The following KRT222 variants were observed in gnomAD, a reference collection of about 807,000 sequenced individuals.
KRT222 encodes the protein keratin-like protein KRT222.
In KRT222, 23 loss-of-function variants were observed where a neutral mutation model predicts 35.0. The observed-to-expected ratio is 0.66, with a 90% CI of 0.47 to 0.93. The LOEUF is 0.93. Among genes scored for constraint, KRT222 ranks in the 40% least tolerant of loss-of-function variants. The pLI is 0.00. For missense variants in KRT222, 339 were observed against 346.3 expected (o/e 0.98, Z 0.17); for synonymous variants, 108 against 118.8 (o/e 0.91, Z 0.59).
At chr17:40,660,282 A>G in intron 2 of KRT222, 75 bp from the exon 3 acceptor site, 2 of 1,209,872 alleles carry the variant, frequency 1.7e-6, no homozygotes, top group Admixed American at 2.2e-5. Context: ...CAATATCTTC[A>G]TCTTTTTTTT....
chr17:40,665,004 C>T lies in KRT222; in HGVS notation c.96G>A (p.Gln32=). The stretch of plus-strand genomic sequence containing the variant: ...GTGCCTGTCTGTATGAAATCATTAC[C>T]TGGATCCTTGTTGAGAGCACCGTCT... ...QIETVLSTRI[Q]LEEDISKKMD... is the part of the protein sequence containing the mutation. The change falls in exon 1 of 6, where the codon CAG becomes CAA. Residue 32 remains glutamine, a splice_region_variant and synonymous_variant. Transcript: ENST00000394052. 1 of 1,613,964 alleles carries T rather than the reference C, an allele frequency of 6.2e-7. No individual in the cohort carries two copies. The highest frequency in any genetic ancestry group is 8.5e-7 in the Non-Finnish European group (1 of 1,179,962).
In KRT222 at chr17:40,664,827, T is replaced by C. The variant is rs2037410395; in HGVS notation, c.96+177A>G. 6 of 1,035,046 alleles carry C rather than the reference T, an allele frequency of 5.8e-6. No homozygotes were observed. The Admixed American group carries it at 8.9e-5, about 15-fold the overall frequency. 64.1% of individuals were successfully genotyped at this position (1,035,046 alleles called of 1,614,324 possible). ...CTTACTTAATGGCAATTTAACAATA[T>C]AATCACAGTATTTCCCCCTGTAGTC... On this transcript the variant is annotated intron_variant, in intron 1 of 5. Transcript: ENST00000394052.
rs1555607302 is a variant in KRT222, at chr17:40,655,040, T to TATATAC, written c.*1361_*1362insGTATAT. 2 of 146,752 alleles carry TATATAC rather than the reference T, an allele frequency of 1.4e-5. No homozygotes were observed. The highest frequency in any genetic ancestry group is 2.5e-5 in the African/African-American group (1 of 40,388). The allele number at this position is 146,752 out of a possible 1,614,324, so 9.1% of individuals were successfully genotyped here. A position where few individuals can be genotyped will look rare whatever the true frequency, so the allele number is the denominator to read the frequency against. On this transcript the variant is annotated 3_prime_UTR_variant, in exon 6 of 6. Coordinates refer to ENST00000394052, the MANE Select transcript of KRT222 (RefSeq NM_152349.3). ...TTTCTGGTTGAAATATATATATACA[T>TATATAC]ATATATAAATTATATATATGTATAT... is the stretch of plus-strand genomic sequence containing the variant.
intron 1 of KRT222, among the ~76,000 whole-genome samples, chr17:40,662,486 TG>T (rs1227901102): frequency 2.0e-5 from 3 of 152,230 alleles, no homozygotes; most frequent in African/African-American, 7.2e-5. Context: ...TGATCAATTC[TG>T]GGACCAGGTA....
At chr17:40,661,008 G>C (rs1039823838) in intron 2 of KRT222, among the ~76,000 whole-genome samples, 2 of 152,302 alleles carry the variant, frequency 1.3e-5, no homozygotes, top group Non-Finnish European at 1.5e-5. Context: ...GCAGTGGCAT[G>C]ATCTCAGCTT....
chr17:40,660,036 C>T lies in KRT222; in HGVS notation c.397G>A (p.Glu133Lys), dbSNP rs759638157. The change falls in exon 3 of 6, where the codon GAA (glutamate) becomes AAA (lysine). Residue 133 changes from glutamate (E) to lysine (K), a missense_variant. Coordinates refer to ENST00000394052, the MANE Select transcript of KRT222 (RefSeq NM_152349.3). The part of the protein sequence containing the change: ...EMLLNTKMRL[E>K]QEIATYRHLL... ...TGGCGATAAGTTGCTATTTCTTGTT[C>T]CAGCCTCATCTTCGTGTTGAGAAGC... is the stretch of plus-strand genomic sequence containing the variant. 6.2e-7 allele frequency: 1 copy of T among 1,614,106 alleles called. No individual in the cohort carries two copies. Among genetic ancestry groups the T allele is most frequent in the Non-Finnish European group, 8.5e-7 (1 of 1,180,012 alleles).
chr17:40,664,467 T>C (rs1278334698), intron 1 of KRT222, among the ~76,000 whole-genome samples: 1 of 152,208 alleles, frequency 6.6e-6, no homozygotes, highest in African/African-American at 2.4e-5. Flanking sequence ...ATAATTTATA[T>C]CATTGTTTCT....
In KRT222 at chr17:40,656,551, C is replaced by T. The variant is rs1233817211; in HGVS notation, c.739G>A (p.Val247Ile). ...AAATGAAGATCAAATCGAAGAGAAA[C>T]AGACTTTTTCCTCAATCGAGGGTTA... ...KDNPRLRKKS[V>I]SLRFDLHLAA... Residue 247 changes from valine (V) to isoleucine (I), a missense_variant, in exon 6 of 6, where the codon GTT becomes ATT. By Grantham distance (29) the Val-to-Ile change is conservative. Transcript: ENST00000394052. 15 of 1,613,728 alleles carry T rather than the reference C, an allele frequency of 9.3e-6. No homozygotes were observed. Among genetic ancestry groups the T allele is most frequent in the Non-Finnish European group, 1.3e-5 (15 of 1,179,798 alleles).
At position 40,655,150 on chromosome 17, in the gene KRT222, G is replaced by C. The variant is rs1202252227; in HGVS notation, c.*1252C>G. ...AATATTTTAAAGGCTGTACTAAAAT[G>C]CTAACGTAGCTATAGCCCTTAGATG... On this transcript the variant is annotated 3_prime_UTR_variant, in exon 6 of 6. Transcript: ENST00000394052. 2 of 150,440 alleles carry C rather than the reference G, an allele frequency of 1.3e-5. No individual in the cohort carries two copies. Among genetic ancestry groups the C allele is most frequent in the Non-Finnish European group, 3.0e-5 (2 of 67,604 alleles). The allele number at this position is 150,440 out of a possible 1,614,324, so 9.3% of individuals were successfully genotyped here.
intron 1 of KRT222, among the ~76,000 whole-genome samples, chr17:40,664,578 AG>A (rs2037408309): frequency 6.6e-6 from 1 of 152,236 alleles, no homozygotes; most frequent in African/African-American, 2.4e-5. Flanking sequence ...AAATATCTCT[AG>A]AAAGTGTACA....
chr17:40,662,644 A>C (rs2037390987), intron 1 of KRT222, among the ~76,000 whole-genome samples: 1 of 152,256 alleles, frequency 6.6e-6, no homozygotes, highest in South Asian at 2.1e-4. Flanking sequence ...TTTAAAAGGC[A>C]TATTAATTTT....
chr17:40,659,280 C>T (rs764048384), intron 3 of KRT222, among the ~76,000 whole-genome samples: 3 of 151,838 alleles, frequency 2.0e-5, no homozygotes, highest in South Asian at 2.1e-4. Context: ...CTCAGCCTCC[C>T]GAGTAGCTGG....
At chr17:40,661,449 A>G (rs2037383461) in intron 2 of KRT222, among the ~76,000 whole-genome samples, 1 of 151,290 alleles carries the variant, frequency 6.6e-6, no homozygotes, top group South Asian at 2.1e-4. Context: ...TGTATTTAAT[A>G]GAGATGGGGT....
At chr17:40,663,509 A>G (rs1403953954) in intron 1 of KRT222, among the ~76,000 whole-genome samples, 1 of 152,196 alleles carries the variant, frequency 6.6e-6, no homozygotes, top group Non-Finnish European at 1.5e-5. Flanking sequence ...TGAGAGAGAA[A>G]GTCCCAGCAG....
At chr17:40,664,882 C>T in intron 1 of KRT222, 122 bp downstream of exon 1, 1 of 1,527,324 alleles carries the variant, frequency 6.5e-7, no homozygotes, top group Non-Finnish European at 8.8e-7. Context: ...AGCTAAATTC[C>T]TTCCCCAATA....
chr17:40,659,147 CT>C (rs11347276), intron 3 of KRT222, among the ~76,000 whole-genome samples: 69,024 of 141,072 alleles, frequency 0.49, 16,667 homozygotes, highest in Non-Finnish European at 0.57. Flanking sequence ...AGGTCTCTCT[CT>C]CTCTCTCTCT....
Position 40,656,338 on chromosome 17 carries a change from A to T in KRT222, c.*64T>A, listed in dbSNP as rs753927285. The T allele has an allele frequency of 1.9e-5, 21 of 1,100,418 alleles. No individual in the cohort carries two copies. Among genetic ancestry groups the T allele is most frequent in the Non-Finnish European group, 2.6e-5 (19 of 718,638 alleles). The allele number at this position is 1,100,418 out of a possible 1,614,324, so 68.2% of individuals were successfully genotyped here. A position where few individuals can be genotyped will look rare whatever the true frequency, so the allele number is the denominator to read the frequency against. On this transcript the variant is annotated 3_prime_UTR_variant, in exon 6 of 6. Coordinates refer to ENST00000394052, the MANE Select transcript of KRT222 (RefSeq NM_152349.3). ...ATAACTTACATTTTGGGACAGAGGGAGTTGGTATGGCCCACCTTGGTCCAT... is the reference window on the plus strand; with the variant it reads ...ATAACTTACATTTTGGGACAGAGGGTGTTGGTATGGCCCACCTTGGTCCAT...
At chr17:40,659,250 G>A (rs2037366072) in intron 3 of KRT222, among the ~76,000 whole-genome samples, 1 of 151,530 alleles carries the variant, frequency 6.6e-6, no homozygotes, top group African/African-American at 2.4e-5. Context: ...GCCTCTCCTG[G>A]ATTCAGGCGA....
intron 1 of KRT222, among the ~76,000 whole-genome samples, chr17:40,663,583 A>G (rs1006093408): frequency 2.0e-5 from 3 of 152,222 alleles, no homozygotes; most frequent in African/African-American, 7.2e-5. Context: ...GTCATGCCCC[A>G]AGACGATTGA....
Sources: allele counts gnomAD v4.1 joint callset (sites outside exome capture counted in the v4.1 genomes callset), GRCh38; gene constraint gnomAD v4.1.1; transcripts MANE v1.5; gene names NCBI Gene and HGNC (gene_info 2026-07-23, HGNC 2026-07-21).